Variants in FREM1 observed in about 807,000 individuals in gnomAD.
FREM1 encodes FRAS1-related extracellular matrix protein 1.
FREM1 carries 220 observed loss-of-function variants against 210.1 expected under a neutral mutation model. The observed-to-expected ratio is 1.05, with a 90% CI of 0.94 to 1.17. The LOEUF is 1.17. FREM1 is among the 50% of genes most tolerant of loss of function. FREM1 has a pLI of 0.00. For synonymous variants in FREM1, 1,189 were observed against 980.2 expected (o/e 1.21, Z -3.98); for missense variants, 3,454 against 2,675.5 (o/e 1.29, Z -6.42).
intron 29 of FREM1, among the ~76,000 whole-genome samples, chr9:14,751,321 T>G (rs541786949): frequency 6.6e-6 from 1 of 152,182 alleles, no homozygotes; most frequent in Non-Finnish European, 1.5e-5. Context: ...CTCTATATGA[T>G]ACAGTTAAAC....
chr9:14,876,610 T>C (rs982091105), intron 1 of FREM1, among the ~76,000 whole-genome samples: 47 of 152,156 alleles, frequency 3.1e-4, no homozygotes, highest in Non-Finnish European at 6.5e-4. Context: ...GAAAGGGAAC[T>C]CCCTGATCCC....
At chr9:14,906,843 A>G (rs1817787028) in intron 1 of FREM1, among the ~76,000 whole-genome samples, 1 of 152,200 alleles carries the variant, frequency 6.6e-6, no homozygotes, top group African/African-American at 2.4e-5. Flanking sequence ...ACACCCAGTA[A>G]AGGACTTGAG....
At chr9:14,825,812 G>A (rs944805042) in intron 10 of FREM1, among the ~76,000 whole-genome samples, 19 of 151,656 alleles carry the variant, frequency 1.3e-4, no homozygotes, top group African/African-American at 4.4e-4. Context: ...CCTATGCAGT[G>A]ACCATACTCC....
intron 10 of FREM1, 28 bp from the exon 11 acceptor site, chr9:14,825,020 T>C (rs747794387): frequency 1.3e-6 from 2 of 1,496,178 alleles, no homozygotes; most frequent in South Asian, 2.6e-5. Context: ...GTACCATTAA[T>C]TTGAAATACC....
intron 16 of FREM1, among the ~76,000 whole-genome samples, chr9:14,811,301 A>G (rs1333130934): frequency 6.6e-6 from 1 of 152,208 alleles, no homozygotes; most frequent in Admixed American, 6.5e-5. Context: ...GGAGATTTAG[A>G]AATTTGTATA....
rs1238149493 is a variant in FREM1, at chr9:14,797,656, A to T, written c.3695-14T>A. The T allele has an allele frequency of 1.2e-6, 2 of 1,602,426 alleles. No homozygotes were observed. Among genetic ancestry groups the T allele is most frequent in the African/African-American group, 2.7e-5 (2 of 74,602 alleles). On this transcript the variant is annotated splice_polypyrimidine_tract_variant and intron_variant, in intron 20 of 36. Transcript: ENST00000380880. ...TCAACCTCATTCCTGGAAGAAGGAA[A>T]AAAAATAAGTAAATCTTCCTTATGA...
At chr9:14,861,030 C>CGT (rs1830197901) in intron 3 of FREM1, among the ~76,000 whole-genome samples, 1 of 74,030 alleles carries the variant, frequency 1.4e-5, no homozygotes, top group African/African-American at 6.9e-5. Context: ...CACATATATA[C>CGT]ATATATACAT....
chr9:14,762,689 A>G (rs1458386125), intron 27 of FREM1, among the ~76,000 whole-genome samples: 1 of 152,156 alleles, frequency 6.6e-6, no homozygotes, highest in Non-Finnish European at 1.5e-5. Flanking sequence ...TATTTTTGAG[A>G]AAAATATCTA....
At chr9:14,854,278 A>G (rs1276555050) in intron 5 of FREM1, among the ~76,000 whole-genome samples, 8 of 152,324 alleles carry the variant, frequency 5.3e-5, no homozygotes, top group African/African-American at 1.9e-4. Context: ...AGCATAAAAC[A>G]TGATAGAAAA....
chr9:14,871,662 G>A (rs1832706152), intron 1 of FREM1, among the ~76,000 whole-genome samples: 1 of 152,092 alleles, frequency 6.6e-6, no homozygotes, highest in Non-Finnish European at 1.5e-5. Flanking sequence ...AGTTTAATTA[G>A]ATCCCATTTG....
chr9:14,749,089 T>C (rs1842918736), intron 30 of FREM1, among the ~76,000 whole-genome samples: 1 of 152,182 alleles, frequency 6.6e-6, no homozygotes, highest in African/African-American at 2.4e-5. Flanking sequence ...ATAAAACTTT[T>C]CTCTTAGTTG....
At chr9:14,906,891 G>T (rs1365523167) in intron 1 of FREM1, among the ~76,000 whole-genome samples, 1 of 152,206 alleles carries the variant, frequency 6.6e-6, no homozygotes, top group African/African-American at 2.4e-5. Flanking sequence ...GTCCTTTGTT[G>T]CTGGGGAGCC....
intron 21 of FREM1, 79 bp downstream of exon 21, chr9:14,797,419 C>A (rs1188111245): frequency 8.5e-7 from 1 of 1,180,690 alleles, no homozygotes; most frequent in Non-Finnish European, 1.1e-6. Flanking sequence ...TTGGGAGACA[C>A]ACACACACCT....
intron 35 of FREM1, among the ~76,000 whole-genome samples, chr9:14,744,765 G>A (rs1842123457): frequency 1.3e-5 from 2 of 152,170 alleles, no homozygotes; most frequent in Admixed American, 1.3e-4. Flanking sequence ...ATACCTAGGA[G>A]TAGAATATGT....
chr9:14,876,347 G>C (rs1293966324), intron 1 of FREM1, among the ~76,000 whole-genome samples: 6 of 152,126 alleles, frequency 3.9e-5, no homozygotes, highest in African/African-American at 1.4e-4. Context: ...CGAGCTTCCT[G>C]GCTGCTTTGT....
Position 14,745,914 on chromosome 9 carries a change from C to T in FREM1, c.6254+439G>A, listed in dbSNP as rs145340712. Among the ~76,000 whole-genome samples, 138 of 152,224 alleles carry T rather than the reference C, an allele frequency of 9.1e-4. 1 individual carries two copies. Among genetic ancestry groups the T allele is most frequent in the African/African-American group, 3.0e-3 (126 of 41,536 alleles). On this transcript the variant is annotated intron_variant, in intron 35 of 36. Transcript: ENST00000380880. ...TATAATCGCATTGCTAGAGGCCCGA[C>T]GTTATAAGGCTTTTCATTACTATAT...
At chr9:14,748,876 T>A (rs75561056) in intron 30 of FREM1, among the ~76,000 whole-genome samples, 1 of 152,190 alleles carries the variant, frequency 6.6e-6, no homozygotes, top group East Asian at 1.9e-4. Context: ...ATCAATTTCA[T>A]AAACCCCAAA....
chr9:14,851,909 G>C (rs1794390380), intron 5 of FREM1, among the ~76,000 whole-genome samples: 1 of 152,178 alleles, frequency 6.6e-6, no homozygotes. Flanking sequence ...GCATCAGAAG[G>C]AACTGTGTTT....
chr9:14,772,412 T>C (rs766676319), intron 25 of FREM1, among the ~76,000 whole-genome samples: 1 of 152,150 alleles, frequency 6.6e-6, no homozygotes, highest in Non-Finnish European at 1.5e-5. Context: ...CAGGAATAGT[T>C]AATGACATAA....
Sources: gnomAD v4.1 joint callset for allele counts (sites outside exome capture counted in the v4.1 genomes callset) on GRCh38, gnomAD v4.1.1 for gene constraint, MANE v1.5 for transcripts, NCBI Gene and HGNC (gene_info 2026-07-23, HGNC 2026-07-21) for gene names.